Variants in SLC24A2 observed in about 807,000 individuals in gnomAD.
The protein encoded by SLC24A2 is sodium/potassium/calcium exchanger 2.
A neutral mutation model predicts 62.0 loss-of-function variants in SLC24A2; 36 were observed. That is an observed-to-expected ratio of 0.58 (90% confidence interval 0.44 to 0.77). The LOEUF is 0.77. SLC24A2 is among the 30% of genes least tolerant of loss of function. The pLI is 0.00. For synonymous variants in SLC24A2, 358 were observed against 294.0 expected (o/e 1.22, Z -2.23); for missense variants, 846 against 817.9 (o/e 1.03, Z -0.42).
the SLC24A2 span, among the ~76,000 whole-genome samples, chr9:20,056,976 G>C: frequency 6.6e-6 from 1 of 152,118 alleles, no homozygotes; most frequent in African/African-American, 2.4e-5. Flanking sequence ...GGGTAATACT[G>C]GGAGAAATTC....
At chr9:20,170,845 C>T in the SLC24A2 span, among the ~76,000 whole-genome samples, 3 of 151,968 alleles carry the variant, frequency 2.0e-5, no homozygotes, top group African/African-American at 4.8e-5. Context: ...CCTAGTCATC[C>T]AAATACAAGA....
chr9:20,187,664 AG>A, the SLC24A2 span, among the ~76,000 whole-genome samples: 2 of 152,220 alleles, frequency 1.3e-5, no homozygotes, highest in Admixed American at 6.5e-5. Flanking sequence ...GACTCTGTCC[AG>A]GGGTCACTTC....
chr9:20,086,675 A>G, the SLC24A2 span, among the ~76,000 whole-genome samples: 1 of 152,260 alleles, frequency 6.6e-6, no homozygotes, highest in African/African-American at 2.4e-5. Flanking sequence ...TAGGTCACTA[A>G]CCTTTGCTCC....
chr9:20,080,549 T>C, the SLC24A2 span, among the ~76,000 whole-genome samples: 1 of 152,102 alleles, frequency 6.6e-6, no homozygotes, highest in Non-Finnish European at 1.5e-5. Context: ...GGCAATACCA[T>C]TCAGGACATA....
chr9:19,793,248 C>T (rs1223692441), upstream of SLC24A2, among the ~76,000 whole-genome samples: 5 of 152,200 alleles, frequency 3.3e-5, no homozygotes, highest in Admixed American at 6.5e-5. Context: ...TGCTACCTGT[C>T]CTTTGTGAAG....
the SLC24A2 span, among the ~76,000 whole-genome samples, chr9:20,020,410 T>A: frequency 1.3e-5 from 2 of 152,232 alleles, no homozygotes; most frequent in African/African-American, 2.4e-5. Context: ...GATGAGTTCA[T>A]GTCCTTTGCA....
chr9:19,685,693 T>C (rs1461209238), intron 2 of SLC24A2, among the ~76,000 whole-genome samples: 1 of 152,080 alleles, frequency 6.6e-6, no homozygotes, highest in African/African-American at 2.4e-5. Context: ...ATTCAAAAAA[T>C]GGTGCTTGGA....
chr9:20,238,197 G>A, the SLC24A2 span, among the ~76,000 whole-genome samples: 21 of 152,206 alleles, frequency 1.4e-4, no homozygotes, highest in Admixed American at 4.6e-4. Context: ...ATACTTTCAC[G>A]TGTTATTTCA....
intron 2 of SLC24A2, among the ~76,000 whole-genome samples, chr9:19,717,974 C>CT (rs373497951): frequency 0.33 from 44,962 of 135,332 alleles, 7,525 homozygotes; most frequent in African/African-American, 0.45. Flanking sequence ...TGATTTAAAA[C>CT]TTTTTTTTTT....
intron 2 of SLC24A2, among the ~76,000 whole-genome samples, chr9:19,698,510 CAAG>C (rs1247763807): frequency 6.6e-6 from 1 of 152,090 alleles, no homozygotes; most frequent in Non-Finnish European, 1.5e-5. Flanking sequence ...AAATGGTAAC[CAAG>C]AAGAACTCTA....
intron 7 of SLC24A2, among the ~76,000 whole-genome samples, chr9:19,558,708 A>G (rs751905595): frequency 1.3e-5 from 2 of 152,244 alleles, no homozygotes; most frequent in South Asian, 4.1e-4. Flanking sequence ...CATGAGAAGA[A>G]TATGCACAAC....
At chr9:19,701,863 C>T (rs1474698347) in intron 2 of SLC24A2, among the ~76,000 whole-genome samples, 1 of 152,176 alleles carries the variant, frequency 6.6e-6, no homozygotes, top group African/African-American at 2.4e-5. Context: ...TCTAATCCAT[C>T]TAATTTAATC....
intron 2 of SLC24A2, among the ~76,000 whole-genome samples, chr9:19,659,435 GA>G (rs1819030584): frequency 6.6e-6 from 1 of 152,126 alleles, no homozygotes; most frequent in Non-Finnish European, 1.5e-5. Context: ...TATGTCTTTG[GA>G]AATAGTCCTT....
At chr9:19,750,530 A>T (rs955598863) in intron 2 of SLC24A2, among the ~76,000 whole-genome samples, 2 of 152,106 alleles carry the variant, frequency 1.3e-5, no homozygotes, top group African/African-American at 4.8e-5. Context: ...AGTTCAAGTC[A>T]TCATTGTCTC....
chr9:20,122,097 C>A, the SLC24A2 span, among the ~76,000 whole-genome samples: 1 of 152,156 alleles, frequency 6.6e-6, no homozygotes, highest in African/African-American at 2.4e-5. Context: ...GACTGGATAC[C>A]TAATTTGCTG....
At position 19,599,798 on chromosome 9, in the gene SLC24A2, GC is replaced by G. The variant is rs905392069; in HGVS notation, c.1079-2520del. Among the ~76,000 whole-genome samples the G allele has an allele frequency of 2.6e-5, 4 of 152,132 alleles. No individual in the cohort carries two copies. The highest frequency in any genetic ancestry group is 4.4e-5 in the Non-Finnish European group (3 of 68,004). ...ATGATGCCTCCTGGAACGTACCCTTGCCCACTGTCTATTGACAGCCTGTGGC... is the reference window on the plus strand; with the variant it reads ...ATGATGCCTCCTGGAACGTACCCTTGCCACTGTCTATTGACAGCCTGTGGC... On this transcript the variant is annotated intron_variant, in intron 4 of 10. Transcript: ENST00000341998. This position sits in a 1 kb window ranked among gnomAD's most constrained non-coding sequence, Gnocchi z 4.5.
chr9:19,919,578 C>A, the SLC24A2 span, among the ~76,000 whole-genome samples: 2 of 151,450 alleles, frequency 1.3e-5, no homozygotes, highest in Admixed American at 1.3e-4. Context: ...CTCTTTTTTT[C>A]CAAAAAAGTC....
At chr9:19,769,649 A>C (rs1822624719) in intron 2 of SLC24A2, among the ~76,000 whole-genome samples, 1 of 152,144 alleles carries the variant, frequency 6.6e-6, no homozygotes, top group Non-Finnish European at 1.5e-5. Flanking sequence ...CTGTGTTACC[A>C]ATGTAATCAG....
At chr9:19,549,075 A>G (rs1363598936) in intron 8 of SLC24A2, among the ~76,000 whole-genome samples, 1 of 152,118 alleles carries the variant, frequency 6.6e-6, no homozygotes, top group Non-Finnish European at 1.5e-5. Flanking sequence ...TTTGGTCTAT[A>G]CTCAGGTTGT....
Sources: allele counts gnomAD v4.1 joint callset (sites outside exome capture counted in the v4.1 genomes callset), GRCh38; gene constraint gnomAD v4.1.1; non-coding constraint Gnocchi (gnomAD v3.1); transcripts MANE v1.5; gene names NCBI Gene and HGNC (gene_info 2026-07-23, HGNC 2026-07-21).